TIAM2: variants seen among roughly 807,000 people sequenced by gnomAD.
TIAM2 encodes TIAM Rac1 associated GEF 2, also known as rho guanine nucleotide exchange factor TIAM2.
A neutral mutation model predicts 152.9 loss-of-function variants in TIAM2; 80 were observed. The ratio of observed to expected loss-of-function variants is 0.52; its 90% CI spans 0.44 to 0.63. The LOEUF (loss-of-function observed/expected upper bound fraction) is 0.63. Among genes scored for constraint, TIAM2 ranks in the 30% least tolerant of loss-of-function variants. The probability of loss-of-function intolerance (pLI) is 0.00; values close to 1 mark genes in which losing one functional copy is unlikely to be tolerated. For missense variants in TIAM2, 1,965 were observed against 2,120.1 expected, an observed-to-expected ratio of 0.93 and a Z score of 1.44; for synonymous variants, 804 against 838.0, an observed-to-expected ratio of 0.96 and a Z score of 0.70.
At chr6:155,080,188 G>A (rs764829623) in intron 1 of TIAM2, among the ~76,000 whole-genome samples, 6 of 151,512 alleles carry the variant, frequency 4.0e-5, no homozygotes, top group Middle Eastern at 3.4e-3. Context: ...ATCCTCCTTA[G>A]CATTGTTCAA....
At chr6:155,205,693 C>G (rs1202724339) in intron 14 of TIAM2, among the ~76,000 whole-genome samples, 3 of 152,150 alleles carry the variant, frequency 2.0e-5, no homozygotes, top group African/African-American at 7.2e-5. Flanking sequence ...TAGGATTAAG[C>G]TGCAGGTGGG....
intron 1 of TIAM2, among the ~76,000 whole-genome samples, chr6:155,056,019 T>G (rs1161572803): frequency 6.6e-6 from 1 of 152,078 alleles, no homozygotes; most frequent in Admixed American, 6.6e-5. Flanking sequence ...GAAAAATCTA[T>G]TCAGAATTAA....
intron 4 of TIAM2, among the ~76,000 whole-genome samples, chr6:155,130,794 C>T (rs953393734): frequency 1.3e-5 from 2 of 152,180 alleles, no homozygotes; most frequent in African/African-American, 4.8e-5. Flanking sequence ...TGCAGACAGC[C>T]GCCTTCTCAC....
intron 5 of TIAM2, among the ~76,000 whole-genome samples, chr6:155,140,573 T>TGAGAGAGAGAGA (rs57939338): frequency 2.0e-4 from 22 of 107,402 alleles, no homozygotes; most frequent in Non-Finnish European, 3.0e-4. Context: ...TGTGTGTGTG[T>TGAGAGAGAGAGA]GAGAGAGAGA....
Position 155,059,282 on chromosome 6 carries a change from C to CTGTGTGTGTG in TIAM2, c.-208-31005_-208-30996dup, listed in dbSNP as rs200226916. 6.6e-3 allele frequency among the ~76,000 whole-genome samples: 954 copies of CTGTGTGTGTG among 144,158 alleles called. 14 individuals are homozygous for CTGTGTGTGTG. The highest frequency in any genetic ancestry group is 0.014 in the Middle Eastern group (4 of 282). The allele number at this position is 144,158 out of a possible 152,430, so 94.6% of individuals were successfully genotyped here. ...CGGGAATTTAGTGGAATGTCCCTTT[C>CTGTGTGTGTG]TGTGTGTGTGTCTGTGTGTGTGTGT... On this transcript the variant is annotated intron_variant, in intron 1 of 26. Coordinates refer to ENST00000682666, the MANE Select transcript of TIAM2 (RefSeq NM_012454.4).
intron 7 of TIAM2, among the ~76,000 whole-genome samples, chr6:155,160,502 C>T (rs1043872211): frequency 1.3e-5 from 2 of 152,122 alleles, no homozygotes; most frequent in African/African-American, 4.8e-5. Flanking sequence ...ACCCCGTGGC[C>T]CAATCAAGTT....
At chr6:155,151,632 C>T (rs1779972055) in intron 7 of TIAM2, among the ~76,000 whole-genome samples, 1 of 152,068 alleles carries the variant, frequency 6.6e-6, no homozygotes, top group Admixed American at 6.6e-5. Flanking sequence ...GAGGACAAAG[C>T]ATGATGACTG....
intron 1 of TIAM2, among the ~76,000 whole-genome samples, chr6:155,039,356 C>A (rs1384376470): frequency 2.0e-5 from 3 of 152,062 alleles, no homozygotes; most frequent in Non-Finnish European, 4.4e-5. Flanking sequence ...AGTAATCAAG[C>A]CCACTCCACC....
intron 10 of TIAM2, among the ~76,000 whole-genome samples, chr6:155,177,495 A>T (rs1179103711): frequency 6.6e-6 from 1 of 152,210 alleles, no homozygotes; most frequent in Admixed American, 6.5e-5. Context: ...GTAAGTCTTA[A>T]AGAGAGCCCT....
chr6:155,139,134 A>G (rs556569649), intron 5 of TIAM2, among the ~76,000 whole-genome samples: 1 of 152,338 alleles, frequency 6.6e-6, no homozygotes, highest in South Asian at 2.1e-4. Context: ...GAGAGAGCAG[A>G]AACATCTGCA....
At chr6:155,137,714 G>A in intron 5 of TIAM2, 102 bp downstream of exon 5, 5 of 1,322,936 alleles carry the variant, frequency 3.8e-6, no homozygotes, top group Non-Finnish European at 4.0e-6. Context: ...GAGTTCACAT[G>A]AGGGGTTTGA....
chr6:155,126,119 A>T (rs146718526), intron 2 of TIAM2, among the ~76,000 whole-genome samples: 7 of 152,358 alleles, frequency 4.6e-5, no homozygotes, highest in African/African-American at 1.4e-4. Context: ...TGGCATGCAC[A>T]TGTAATAGAA....
chr6:155,253,991 T>C lies in TIAM2; in HGVS notation c.4244T>C (p.Ile1415Thr). The C allele has an allele frequency of 6.2e-7, 1 of 1,613,608 alleles. No homozygotes were observed. The highest frequency in any genetic ancestry group is 8.5e-7 in the Non-Finnish European group (1 of 1,179,866). ...TACATAGGGACAGAAAATAATTCCA[T>C]ATGGGAACTGATCCATACGAAGTCA... ...GNPAGTENNS[I>T]WELIHTKSEI... Residue 1415 changes from isoleucine (I) to threonine (T), a missense_variant, in exon 25 of 27, where the codon ATA (isoleucine) becomes ACA (threonine). Coordinates refer to ENST00000682666, the MANE Select transcript of TIAM2 (RefSeq NM_012454.4).
chr6:155,091,592 A>G (rs928202008), intron 2 of TIAM2, among the ~76,000 whole-genome samples: 6 of 152,244 alleles, frequency 3.9e-5, no homozygotes, highest in Admixed American at 1.3e-4. Flanking sequence ...AGATGCAAAC[A>G]GGAAGTTATC....
At chr6:155,182,097 C>T (rs943789474) in intron 12 of TIAM2, 129 bp from the exon 13 acceptor site, 11 of 692,056 alleles carry the variant, frequency 1.6e-5, no homozygotes, top group Admixed American at 4.9e-5. Context: ...TTCAAAATAG[C>T]TGTAATTTCG....
In TIAM2 at chr6:155,129,631, CCTT is replaced by C. The variant is rs753500171; in HGVS notation, c.411_413del (p.Leu138del). On this transcript the variant is annotated inframe_deletion, in exon 4 of 27. Coordinates refer to ENST00000682666, the MANE Select transcript of TIAM2 (RefSeq NM_012454.4). This position sits in a 1 kb window ranked among gnomAD's most constrained non-coding sequence, Gnocchi z 4.8. ...TCACCTCCAGAGACTGCAACGGACA[CCTT>C]CTCAACTGCTACGGGAGGAATGAGA... is the stretch of plus-strand genomic sequence containing the variant. 3.7e-6 allele frequency: 6 copies of C among 1,614,004 alleles called. No individual in the cohort carries two copies. Among genetic ancestry groups the C allele is most frequent in the East Asian group, 2.2e-5 (1 of 44,890 alleles).
intron 1 of TIAM2, among the ~76,000 whole-genome samples, chr6:155,003,262 A>G (rs1778344763): frequency 6.6e-6 from 1 of 152,120 alleles, no homozygotes; most frequent in African/African-American, 2.4e-5. Context: ...TGTATTGGAT[A>G]TTAACAGCTC....
At chr6:155,246,528 G>T (rs1263393586) in intron 19 of TIAM2, among the ~76,000 whole-genome samples, 1 of 152,040 alleles carries the variant, frequency 6.6e-6, no homozygotes, top group Non-Finnish European at 1.5e-5. Flanking sequence ...GTAGAAATGG[G>T]TCTCACTGTG....
chr6:155,193,169 C>T (rs1191791685), intron 14 of TIAM2, among the ~76,000 whole-genome samples: 1 of 151,964 alleles, frequency 6.6e-6, no homozygotes, highest in African/African-American at 2.4e-5. Flanking sequence ...TTTTGGGAGG[C>T]CGAGGTGGGA....
Sources: allele counts gnomAD v4.1 joint callset (sites outside exome capture counted in the v4.1 genomes callset), GRCh38; gene constraint gnomAD v4.1.1; non-coding constraint Gnocchi (gnomAD v3.1); transcripts MANE v1.5; gene names NCBI Gene and HGNC (gene_info 2026-07-23, HGNC 2026-07-21).